The following RMC1 variants were observed in gnomAD, a reference collection of about 807,000 sequenced individuals.
RMC1 encodes regulator of MON1-CCZ1 complex.
A neutral mutation model predicts 95.5 loss-of-function variants in RMC1; 44 were observed. The ratio of observed to expected loss-of-function variants is 0.46; its 90% CI spans 0.36 to 0.59. The LOEUF (loss-of-function observed/expected upper bound fraction) is 0.59. RMC1 is among the 20% of genes least tolerant of loss of function. The probability of loss-of-function intolerance (pLI) is 0.00; values close to 1 mark genes in which losing one functional copy is unlikely to be tolerated. For synonymous variants in RMC1, 320 were observed against 303.6 expected, an observed-to-expected ratio of 1.05 and a Z score of -0.56; for missense variants, 705 against 819.6, an observed-to-expected ratio of 0.86 and a Z score of 1.71.
rs760420603 is a variant in RMC1, at chr18:23,530,034, C to T, written c.1501C>T (p.Leu501=). The T allele has an allele frequency of 2.5e-6, 4 of 1,613,504 alleles. No individual in the cohort carries two copies. The highest frequency in any genetic ancestry group is 1.1e-5 in the South Asian group (1 of 91,062). ...NQFQIAVQHY[L]HELVIKTLVQ... is the part of the protein sequence containing the mutation. ...TTTTTACTTTTGTCCTCAGCATTAC[C>T]TACATGAACTTGTTATCAAAACCCT... Residue 501 remains leucine, a synonymous_variant, in exon 17 of 20, where the codon CTA becomes TTA. Transcript: ENST00000269221.
At chr18:23,514,573 T>C (rs1297888524) in intron 5 of RMC1, among the ~76,000 whole-genome samples, 1 of 151,562 alleles carries the variant, frequency 6.6e-6, no homozygotes, top group Admixed American at 6.6e-5. Flanking sequence ...AAAAAAAAAT[T>C]TGTAATGACC....
At chr18:23,527,930 C>T in intron 14 of RMC1, 29 bp downstream of exon 14, 1 of 1,521,462 alleles carries the variant, frequency 6.6e-7, no homozygotes, top group Non-Finnish European at 9.0e-7. Flanking sequence ...GACAAAGGGT[C>T]CTCCTCCCCC....
At chr18:23,524,204 A>G in intron 11 of RMC1, 30 bp downstream of exon 11, 1 of 1,611,486 alleles carries the variant, frequency 6.2e-7, no homozygotes. Context: ...GGCACCGTGC[A>G]CAACAGGGCA....
At chr18:23,509,007 A>G (rs945707460) in intron 4 of RMC1, among the ~76,000 whole-genome samples, 186 bp from the exon 5 acceptor site, 2 of 152,174 alleles carry the variant, frequency 1.3e-5, no homozygotes, top group South Asian at 4.1e-4. Context: ...CAGGTTCTTG[A>G]ATGAAGAGTT....
rs542093491 is a variant in RMC1, at chr18:23,525,155, A to C, written c.1060+673A>C. Among the ~76,000 whole-genome samples, 383 of 151,676 alleles carry C rather than the reference A, an allele frequency of 2.5e-3. 3 individuals carry two copies. Among genetic ancestry groups the C allele is most frequent in the Non-Finnish European group, 4.4e-3 (298 of 67,882 alleles). On this transcript the variant is annotated intron_variant, in intron 12 of 19. Coordinates refer to ENST00000269221, the MANE Select transcript of RMC1 (RefSeq NM_013326.5). The stretch of plus-strand genomic sequence containing the variant: ...GAGACGAGGTTTTTCCATGTTGGTC[A>C]GGCTGGTCTCAAACTCCCAACCTCA...
At chr18:23,518,729 T>C (rs1449719279) in intron 7 of RMC1, among the ~76,000 whole-genome samples, 161 bp from the exon 8 acceptor site, 3 of 152,348 alleles carry the variant, frequency 2.0e-5, no homozygotes, top group African/African-American at 7.2e-5. Flanking sequence ...CTTAACTTTA[T>C]AATAGGCTTT....
intron 7 of RMC1, among the ~76,000 whole-genome samples, chr18:23,517,933 G>C (rs1598875012): frequency 1.3e-5 from 2 of 152,222 alleles, no homozygotes; most frequent in Middle Eastern, 3.4e-3. Context: ...GCCCAGGCTG[G>C]TCTTGAACTC....
chr18:23,526,354 G>A (rs779465881), intron 12 of RMC1, among the ~76,000 whole-genome samples: 16 of 152,226 alleles, frequency 1.1e-4, no homozygotes, highest in Non-Finnish European at 2.2e-4. Context: ...TGAAGGACTA[G>A]GAGCTACACC....
At chr18:23,522,456 C>A (rs562421274) in intron 10 of RMC1, 1 of 152,254 alleles carries the variant, frequency 6.6e-6, no homozygotes, top group Non-Finnish European at 1.5e-5. Flanking sequence ...CTTAAACTTT[C>A]TTAAAACATT....
In RMC1 at chr18:23,530,247, C is replaced by T; in HGVS notation, c.1618C>T (p.Leu540=). Residue 540 remains leucine, a synonymous_variant, in exon 18 of 20, where the codon CTA becomes TTA. Transcript: ENST00000269221. ...SKPLACLLLS[L]ESFYPPAHQL... is the part of the protein sequence containing the mutation. ...CTTTCAGGCTTGTCTGCTGTTATCC[C>T]TAGAGAGTTTCTATCCTCCTGCTCA... 1.9e-6 allele frequency: 3 copies of T among 1,614,206 alleles called. No individual in the cohort carries two copies. Among genetic ancestry groups the T allele is most frequent in the South Asian group, 1.1e-5 (1 of 91,086 alleles).
chr18:23,525,328 G>A (rs1324371885), intron 12 of RMC1, among the ~76,000 whole-genome samples: 1 of 152,060 alleles, frequency 6.6e-6, no homozygotes, highest in African/African-American at 2.4e-5. Context: ...GCTTACTGCA[G>A]CCTTGAGCTC....
At chr18:23,526,545 C>A (rs2058302669) in intron 12 of RMC1, 92 bp from the exon 13 acceptor site, 3 of 1,484,006 alleles carry the variant, frequency 2.0e-6, no homozygotes, top group South Asian at 2.6e-5. Flanking sequence ...TCACCACCTG[C>A]CACCCGCCCC....
At chr18:23,505,098 C>T (rs2057679966) in intron 2 of RMC1, among the ~76,000 whole-genome samples, 1 of 152,078 alleles carries the variant, frequency 6.6e-6, no homozygotes. Flanking sequence ...CCCTCTGTTC[C>T]CCAGGGTGGA....
At chr18:23,529,915 G>A in intron 16 of RMC1, 113 bp from the exon 17 acceptor site, 1 of 1,135,032 alleles carries the variant, frequency 8.8e-7, no homozygotes, top group Non-Finnish European at 1.3e-6. Flanking sequence ...ACCACTTCTT[G>A]TAATGACAGA....
chr18:23,529,564 G>A (rs1384132865), intron 15 of RMC1, 71 bp from the exon 16 acceptor site: 1 of 1,395,426 alleles, frequency 7.2e-7, no homozygotes, highest in African/African-American at 1.4e-5. Flanking sequence ...GGTGGGGGTT[G>A]GATAGAGAGT....
intron 10 of RMC1, among the ~76,000 whole-genome samples, chr18:23,523,394 A>G (rs1179821440): frequency 6.6e-6 from 1 of 151,992 alleles, no homozygotes; most frequent in African/African-American, 2.4e-5. Context: ...ACTCTATGCA[A>G]TGGATAATCG....
chr18:23,527,940 C>G (rs766090870), intron 14 of RMC1, 39 bp downstream of exon 14: 17 of 1,462,790 alleles, frequency 1.2e-5, no homozygotes, highest in Admixed American at 9.5e-5. Context: ...CCTCCTCCCC[C>G]ACCCCCTCCC....
intron 13 of RMC1, among the ~76,000 whole-genome samples, chr18:23,527,415 A>G (rs2058336164): frequency 1.3e-5 from 2 of 151,344 alleles, no homozygotes; most frequent in South Asian, 4.2e-4. Flanking sequence ...AAATAATAAT[A>G]ATAATCCCCT....
intron 5 of RMC1, among the ~76,000 whole-genome samples, chr18:23,512,104 TCCA>T (rs1280047265): frequency 1.5e-5 from 2 of 136,240 alleles, no homozygotes; most frequent in African/African-American, 5.5e-5. Flanking sequence ...CACGGCAACC[TCCA>T]CCTCCTGGGT....
Sources: allele counts gnomAD v4.1 joint callset (sites outside exome capture counted in the v4.1 genomes callset), GRCh38; gene constraint gnomAD v4.1.1; transcripts MANE v1.5; gene names NCBI Gene and HGNC (gene_info 2026-07-23, HGNC 2026-07-21).